TCAIM: variants seen among roughly 807,000 people sequenced by gnomAD.
TCAIM encodes T cell activation inhibitor, mitochondrial, also known as T-cell activation inhibitor, mitochondrial.
In TCAIM, 36 loss-of-function variants were observed where a neutral mutation model predicts 58.6. The ratio of observed to expected loss-of-function variants is 0.61; its 90% CI spans 0.47 to 0.81. The LOEUF is 0.81. Among genes scored for constraint, TCAIM ranks in the 30% least tolerant of loss-of-function variants. The pLI, the probability that TCAIM is intolerant of heterozygous loss-of-function variation, is 0.00. For synonymous variants in TCAIM, 172 were observed against 193.6 expected, an observed-to-expected ratio of 0.89 and a Z score of 0.93; for missense variants, 466 against 579.6, an observed-to-expected ratio of 0.80 and a Z score of 2.01.
At chr3:44,391,564 C>G (rs538017467) in intron 5 of TCAIM, among the ~76,000 whole-genome samples, 163 of 152,234 alleles carry the variant, frequency 1.1e-3, no homozygotes, top group African/African-American at 3.7e-3. Flanking sequence ...GTTTAGAGAA[C>G]ATCTTTCTGC....
At chr3:44,360,711 T>C (rs1701282685) in intron 3 of TCAIM, among the ~76,000 whole-genome samples, 1 of 151,952 alleles carries the variant, frequency 6.6e-6, no homozygotes. Flanking sequence ...GCTTAAGTGA[T>C]CCTCCTACCT....
Position 44,392,965 on chromosome 3 carries a change from T to C in TCAIM, c.683T>C (p.Leu228Pro), listed in dbSNP as rs1225103723. The C allele has an allele frequency of 1.9e-6, 3 of 1,610,532 alleles. No homozygotes were observed. The highest frequency in any genetic ancestry group is 1.1e-5 in the South Asian group (1 of 90,540). ...GATGAACTGTCTCATCAATTGCAAC[T>C]CTCAGATATCAGGTAAGAAAGAAGA... ...LKDELSHQLQ[L>P]SDIRWQRSWG... The change falls in exon 6 of 11, where the codon CTC becomes CCC. Residue 228 changes from leucine to proline, a missense_variant. Leu to Pro is a moderately conservative substitution (Grantham distance 98). Transcript: ENST00000342649.
At chr3:44,389,601 G>A (rs146514671) in intron 5 of TCAIM, among the ~76,000 whole-genome samples, 1 of 152,216 alleles carries the variant, frequency 6.6e-6, no homozygotes, top group East Asian at 1.9e-4. Flanking sequence ...TTGGAAAATT[G>A]TAATGCCATA....
rs1575253621 is a variant in TCAIM at position 44,367,683 on chromosome 3, G to A, written c.547G>A (p.Val183Ile). 6.2e-7 allele frequency: 1 copy of A among 1,611,998 alleles called. No individual in the cohort carries two copies. The highest frequency in any genetic ancestry group is 8.5e-7 in the Non-Finnish European group (1 of 1,178,488). Residue 183 changes from valine to isoleucine, a missense_variant, in exon 5 of 11, where the codon GTC becomes ATC. By Grantham distance (29) the Val-to-Ile change is conservative. Coordinates refer to ENST00000342649, the MANE Select transcript of TCAIM (RefSeq NM_173826.4). ...GGACCCTGATGAAGACCTTGAACAA[G>A]TCTCGAGAGTGGAAACAACTCTCAC... The part of the protein sequence containing the change: ...FKDPDEDLEQ[V>I]SRVETTLTSW...
intron 5 of TCAIM, among the ~76,000 whole-genome samples, chr3:44,387,879 C>T (rs763221222): frequency 2.6e-5 from 4 of 152,140 alleles, no homozygotes; most frequent in African/African-American, 4.8e-5. Flanking sequence ...GAGAAAGTCC[C>T]TGTCTCTAGA....
chr3:44,372,106 T>C (rs1268471504), intron 5 of TCAIM, among the ~76,000 whole-genome samples: 1 of 151,774 alleles, frequency 6.6e-6, no homozygotes, highest in Non-Finnish European at 1.5e-5. Context: ...GTGAAACCTA[T>C]GTATAGGGAA....
chr3:44,339,407 A>G (rs762160211), intron 1 of TCAIM, among the ~76,000 whole-genome samples: 14 of 152,206 alleles, frequency 9.2e-5, no homozygotes, highest in Non-Finnish European at 1.3e-4. Flanking sequence ...TGAGAGCTCT[A>G]TTTGGCACAC....
intron 10 of TCAIM, 57 bp from the exon 11 acceptor site, chr3:44,407,381 CTTTT>C (rs1208089856): frequency 1.6e-6 from 2 of 1,243,720 alleles, no homozygotes; most frequent in Admixed American, 2.7e-5. Flanking sequence ...ATTGTGTGTT[CTTTT>C]GTTTGGTTAT....
intron 5 of TCAIM, among the ~76,000 whole-genome samples, chr3:44,373,319 G>A (rs923569341): frequency 6.6e-6 from 1 of 152,050 alleles, no homozygotes; most frequent in African/African-American, 2.4e-5. Flanking sequence ...TCAGCAGATT[G>A]TGTTTTATCT....
chr3:44,352,138 C>T (rs1036561338), intron 1 of TCAIM, among the ~76,000 whole-genome samples: 1 of 150,300 alleles, frequency 6.7e-6, no homozygotes, highest in Non-Finnish European at 1.5e-5. Context: ...TAAAATGTGA[C>T]AGAATAGGAC....
intron 5 of TCAIM, among the ~76,000 whole-genome samples, chr3:44,374,848 C>T (rs922861711): frequency 6.6e-6 from 1 of 152,138 alleles, no homozygotes; most frequent in Admixed American, 6.5e-5. Context: ...GGTCTAAACT[C>T]CTTTGTTTTA....
At chr3:44,393,062 C>T in intron 6 of TCAIM, 85 bp downstream of exon 6, 1 of 1,177,544 alleles carries the variant, frequency 8.5e-7, no homozygotes, top group Non-Finnish European at 1.2e-6. Flanking sequence ...TAAATATTTG[C>T]ATCTTTAATT....
intron 5 of TCAIM, among the ~76,000 whole-genome samples, chr3:44,381,066 C>CA (rs1207556414): frequency 6.6e-6 from 1 of 152,116 alleles, no homozygotes; most frequent in Admixed American, 6.5e-5. Flanking sequence ...CAATACTTCT[C>CA]AAACTTTTCA....
At chr3:44,344,124 G>A (rs2125623593) in intron 1 of TCAIM, among the ~76,000 whole-genome samples, 1 of 151,044 alleles carries the variant, frequency 6.6e-6, no homozygotes, top group African/African-American at 2.4e-5. Flanking sequence ...CAGGCTCAAG[G>A]CCTCAGCCTC....
chr3:44,379,365 C>T (rs1023126429), intron 5 of TCAIM, among the ~76,000 whole-genome samples: 6 of 152,076 alleles, frequency 3.9e-5, no homozygotes, highest in South Asian at 2.1e-4. Flanking sequence ...AATCTCACTA[C>T]GGGGTTTATA....
At chr3:44,383,244 T>C (rs1482416872) in intron 5 of TCAIM, among the ~76,000 whole-genome samples, 1 of 152,196 alleles carries the variant, frequency 6.6e-6, no homozygotes, top group Admixed American at 6.5e-5. Context: ...AATAGATATT[T>C]GTATACCCAT....
intron 5 of TCAIM, among the ~76,000 whole-genome samples, chr3:44,387,243 A>T (rs951595744): frequency 5.9e-5 from 9 of 152,150 alleles, no homozygotes; most frequent in African/African-American, 2.2e-4. Flanking sequence ...AAGGAGCTAC[A>T]CCAGGTCTCC....
chr3:44,361,276 C>G, intron 3 of TCAIM, 89 bp from the exon 4 acceptor site: 1 of 1,135,668 alleles, frequency 8.8e-7, no homozygotes, highest in East Asian at 2.6e-5. Flanking sequence ...ATTTAATACT[C>G]TCAATGTGTT....
At chr3:44,343,014 G>C (rs888311743) in intron 1 of TCAIM, among the ~76,000 whole-genome samples, 3 of 151,948 alleles carry the variant, frequency 2.0e-5, no homozygotes, top group African/African-American at 7.3e-5. Context: ...GCAGGCGACT[G>C]TAATCCCAGC....
Sources: allele counts gnomAD v4.1 joint callset (sites outside exome capture counted in the v4.1 genomes callset), GRCh38; gene constraint gnomAD v4.1.1; transcripts MANE v1.5; gene names NCBI Gene and HGNC (gene_info 2026-07-23, HGNC 2026-07-21).